The following ATF2 variants were observed in gnomAD, a reference collection of about 807,000 sequenced individuals.
ATF2 encodes the protein activating transcription factor 2, also known as cyclic AMP-dependent transcription factor ATF-2.
A neutral mutation model predicts 60.6 loss-of-function variants in ATF2; 24 were observed. The ratio of observed to expected loss-of-function variants is 0.40; its 90% CI spans 0.29 to 0.56. The LOEUF (loss-of-function observed/expected upper bound fraction) is 0.56, where lower values mean the gene tolerates loss of function less well. Ranked by LOEUF, ATF2 falls within the 20% of genes least tolerant of loss-of-function variation. The pLI is 0.54. For synonymous variants in ATF2, 206 were observed against 215.4 expected (o/e 0.96, Z 0.38); for missense variants, 433 against 607.7 (o/e 0.71, Z 3.02).
intron 10 of ATF2, among the ~76,000 whole-genome samples, chr2:175,105,130 A>G (rs960550072): frequency 6.6e-6 from 1 of 152,186 alleles, no homozygotes; most frequent in Admixed American, 6.5e-5. Flanking sequence ...CGTGTTTAAG[A>G]TTATATTTTA....
At chr2:175,110,047 A>C (rs181475705) in intron 10 of ATF2, among the ~76,000 whole-genome samples, 1 of 152,186 alleles carries the variant, frequency 6.6e-6, no homozygotes, top group East Asian at 1.9e-4. Flanking sequence ...AGCAGTAAAA[A>C]TTTTTCAGGC....
chr2:175,127,779 T>C (rs1697438349), intron 4 of ATF2, among the ~76,000 whole-genome samples: 1 of 152,178 alleles, frequency 6.6e-6, no homozygotes, highest in South Asian at 2.1e-4. Flanking sequence ...AATGTCACCT[T>C]AGCAGAGGCA....
chr2:175,079,546 G>A (rs1405455760), intron 13 of ATF2, among the ~76,000 whole-genome samples: 1 of 151,824 alleles, frequency 6.6e-6, no homozygotes, highest in African/African-American at 2.4e-5. Flanking sequence ...TATCAAATAA[G>A]CAAGATTTAT....
chr2:175,150,214 T>A (rs1286188585), intron 2 of ATF2, among the ~76,000 whole-genome samples: 5 of 152,224 alleles, frequency 3.3e-5, no homozygotes, highest in Admixed American at 1.3e-4. Flanking sequence ...TTTAAATTAT[T>A]TTCCGAATTT....
chr2:175,152,921 G>C (rs1699406871), intron 1 of ATF2, among the ~76,000 whole-genome samples: 1 of 152,174 alleles, frequency 6.6e-6, no homozygotes, highest in Admixed American at 6.5e-5. Context: ...TCTGCAAATT[G>C]TTTCTTTCAG....
chr2:175,157,731 A>AT (rs1699772497), intron 1 of ATF2, among the ~76,000 whole-genome samples: 1 of 152,210 alleles, frequency 6.6e-6, no homozygotes, highest in South Asian at 2.1e-4. Flanking sequence ...ACAGTGGCTC[A>AT]TGCCTGTAAT....
chr2:175,127,804 C>A (rs956733661), intron 4 of ATF2, among the ~76,000 whole-genome samples: 2 of 152,140 alleles, frequency 1.3e-5, no homozygotes, highest in Non-Finnish European at 2.9e-5. Context: ...CCCTGGTTAA[C>A]CTATCTAAAA....
chr2:175,140,333 A>C (rs1010131038), intron 2 of ATF2, among the ~76,000 whole-genome samples: 1 of 152,262 alleles, frequency 6.6e-6, no homozygotes, highest in Non-Finnish European at 1.5e-5. Flanking sequence ...AACTACTGAC[A>C]CTACAACAAT....
intron 1 of ATF2, chr2:175,167,608 G>A: frequency 2.1e-6 from 1 of 481,678 alleles, no homozygotes; most frequent in Non-Finnish European, 4.3e-6. Flanking sequence ...GACCAGAGTG[G>A]GCCCTCTCCC....
At chr2:175,075,506 G>A (rs933803171) in intron 13 of ATF2, among the ~76,000 whole-genome samples, 2 of 152,046 alleles carry the variant, frequency 1.3e-5, no homozygotes, top group Non-Finnish European at 2.9e-5. Context: ...TAAGGAAAGG[G>A]CATTCTAAAT....
In ATF2 at chr2:175,097,484, T is replaced by G. The variant is rs766237973; in HGVS notation, c.938A>C (p.Gln313Pro). ...GGATGTGGCTGGCTGTTGTAATGAC[T>G]GCGGTCGAGATTCCTCTGACTGAGT... ...VRTQSEESRP[Q>P]SLQQPATSTT... Residue 313 changes from glutamine to proline, a missense_variant, in exon 11 of 14, where the codon CAG becomes CCG. By Grantham distance (76) the Gln-to-Pro change is moderately conservative. This residue lies in a region of ATF2 where 246 missense variants were observed against 309.3 expected (regional missense o/e 0.80). Coordinates refer to ENST00000264110, the MANE Select transcript of ATF2 (RefSeq NM_001880.4). 21 of 1,614,040 alleles carry G rather than the reference T, an allele frequency of 1.3e-5. No homozygotes were observed. The highest frequency in any genetic ancestry group is 1.6e-4 in the Middle Eastern group (1 of 6,084).
intron 9 of ATF2, among the ~76,000 whole-genome samples, chr2:175,113,506 C>A (rs1696347048): frequency 6.6e-6 from 1 of 152,114 alleles, no homozygotes; most frequent in Non-Finnish European, 1.5e-5. Flanking sequence ...CCTCAAAAAA[C>A]TTTTTTGCGG....
At chr2:175,120,355 T>C (rs1367657101) in intron 5 of ATF2, among the ~76,000 whole-genome samples, 1 of 151,652 alleles carries the variant, frequency 6.6e-6, no homozygotes, top group Non-Finnish European at 1.5e-5. Flanking sequence ...TCTAAGTTAC[T>C]TATGGAACTT....
chr2:175,086,174 A>G (rs1262917203), intron 12 of ATF2, among the ~76,000 whole-genome samples: 1 of 152,196 alleles, frequency 6.6e-6, no homozygotes, highest in East Asian at 1.9e-4. Flanking sequence ...CATTTTCCTA[A>G]TGATGATTCT....
chr2:175,129,120 T>C (rs556745387), intron 4 of ATF2, among the ~76,000 whole-genome samples: 13 of 152,214 alleles, frequency 8.5e-5, no homozygotes, highest in Middle Eastern at 6.8e-3. Flanking sequence ...AACAGATAAA[T>C]TGTGAGATAA....
chr2:175,107,766 G>A (rs916581763), intron 10 of ATF2, among the ~76,000 whole-genome samples: 6 of 152,188 alleles, frequency 3.9e-5, no homozygotes, highest in South Asian at 2.1e-4. Context: ...ACGGGGTTTC[G>A]CTGTGTTGGC....
chr2:175,074,841 T>A lies in ATF2; in HGVS notation c.1292-6A>T. ...ACTATCATCTTTATCAGCAGCTGGG[T>A]GGAAAAAAGAAAAATTATTCATTTT... On this transcript the variant is annotated splice_polypyrimidine_tract_variant and splice_region_variant and intron_variant, in intron 13 of 13. Transcript: ENST00000264110. 2 of 1,613,158 alleles carry A rather than the reference T, an allele frequency of 1.2e-6. No individual in the cohort carries two copies. Among genetic ancestry groups the A allele is most frequent in the Non-Finnish European group, 1.7e-6 (2 of 1,179,526 alleles).
chr2:175,110,267 G>A lies in ATF2; in HGVS notation c.828+1301C>T, dbSNP rs187540245. Reference sequence around the variant, plus strand: ...GGAGAATTGCTTGAACCCAGGAGGCGGAGGTTGCAGTGAGCTGAGATTGTG... The same window carrying A: ...GGAGAATTGCTTGAACCCAGGAGGCAGAGGTTGCAGTGAGCTGAGATTGTG... On this transcript the variant is annotated intron_variant, in intron 10 of 13. Transcript: ENST00000264110. 8.0e-4 allele frequency among the ~76,000 whole-genome samples: 121 copies of A among 152,168 alleles called. No homozygotes were observed. The Middle Eastern group carries it at 0.014, about 17-fold the overall frequency.
chr2:175,155,090 C>A lies in ATF2; in HGVS notation c.-142-3932G>T, dbSNP rs1699589844. On this transcript the variant is annotated intron_variant, in intron 1 of 13. Coordinates refer to ENST00000264110, the MANE Select transcript of ATF2 (RefSeq NM_001880.4). ...GGGTATGTATTACTAAAGGTACACACTAAGGCTTTCCAAGGGATACTTGAG... is the reference window on the plus strand; with the variant it reads ...GGGTATGTATTACTAAAGGTACACAATAAGGCTTTCCAAGGGATACTTGAG... Among the ~76,000 whole-genome samples, 9 of 152,256 alleles carry A rather than the reference C, an allele frequency of 5.9e-5. 2 individuals carry two copies. The South Asian group carries it at 1.9e-3, about 32-fold the overall frequency.
Sources: gnomAD v4.1 joint callset for allele counts (sites outside exome capture counted in the v4.1 genomes callset) on GRCh38, gnomAD v4.1.1 for gene constraint, gnomAD v4.1.1 regional missense constraint, MANE v1.5 for transcripts, NCBI Gene and HGNC (gene_info 2026-07-23, HGNC 2026-07-21) for gene names.